Variants in NXNL2 observed in about 807,000 individuals in gnomAD.
NXNL2 encodes nucleoredoxin like 2.
A neutral mutation model predicts 11.1 loss-of-function variants in NXNL2; 7 were observed. That is an observed-to-expected ratio of 0.63 (90% CI 0.36 to 1.18). The LOEUF is 1.18. NXNL2 is among the 50% of genes most tolerant of loss of function. The pLI, the probability that NXNL2 is intolerant of heterozygous loss-of-function variation, is 0.02. For missense variants in NXNL2, 233 were observed against 217.7 expected (o/e 1.07, Z -0.44); for synonymous variants, 109 against 101.8 (o/e 1.07, Z -0.42).
chr9:88,555,113 C>A (rs1000753567), intron 1 of NXNL2, among the ~76,000 whole-genome samples: 2 of 152,148 alleles, frequency 1.3e-5, no homozygotes, highest in African/African-American at 4.8e-5. Context: ...GCCCAGGAGG[C>A]CACATGGGTT....
chr9:88,553,559 C>G (rs1829972042), intron 1 of NXNL2, among the ~76,000 whole-genome samples: 1 of 152,102 alleles, frequency 6.6e-6, no homozygotes, highest in Non-Finnish European at 1.5e-5. Context: ...TCTCCTGGTG[C>G]TACATCAGCA....
intron 1 of NXNL2, among the ~76,000 whole-genome samples, chr9:88,563,093 A>G (rs965193079): frequency 1.3e-5 from 2 of 152,172 alleles, no homozygotes; most frequent in Non-Finnish European, 1.5e-5. Flanking sequence ...TCTCAAAAAT[A>G]AAAATAAAAA....
intron 1 of NXNL2, among the ~76,000 whole-genome samples, chr9:88,542,189 C>T (rs775008659): frequency 2.2e-4 from 33 of 151,592 alleles, no homozygotes; most frequent in Admixed American, 4.6e-4. Context: ...GCCGAGATTG[C>T]GTCACTGCAC....
intron 1 of NXNL2, among the ~76,000 whole-genome samples, chr9:88,565,010 A>G (rs998641156): frequency 6.6e-6 from 1 of 151,698 alleles, no homozygotes; most frequent in Non-Finnish European, 1.5e-5. Flanking sequence ...TTGAGTAGCA[A>G]CCTCCCATTT....
chr9:88,571,871 C>T (rs1176940294), intron 2 of NXNL2, among the ~76,000 whole-genome samples: 1 of 152,116 alleles, frequency 6.6e-6, no homozygotes, highest in Non-Finnish European at 1.5e-5. Flanking sequence ...GACCTTCAGC[C>T]AGGAGAGCCA....
At chr9:88,542,282 A>T (rs1470823721) in intron 1 of NXNL2, among the ~76,000 whole-genome samples, 1 of 151,474 alleles carries the variant, frequency 6.6e-6, no homozygotes, top group East Asian at 1.9e-4. Flanking sequence ...ACAAAAAAAT[A>T]TATATTTTTT....
rs1262545681 is a variant in NXNL2, at chr9:88,535,415, G to A, written c.-20G>A. 6.3e-7 allele frequency: 1 copy of A among 1,575,164 alleles called. No homozygotes were observed. Among genetic ancestry groups the A allele is most frequent in the East Asian group, 2.3e-5 (1 of 44,302 alleles). On this transcript the variant is annotated 5_prime_UTR_variant, in exon 1 of 2. Coordinates refer to ENST00000375854, the MANE Select transcript of NXNL2 (RefSeq NM_001161625.2). ...CTCCTGCAGGTGTCCTCGGGTCTCAGGTGGCTGCGTGTCTGCGCCATGGTT... is the reference window on the plus strand; with the variant it reads ...CTCCTGCAGGTGTCCTCGGGTCTCAAGTGGCTGCGTGTCTGCGCCATGGTT...
chr9:88,580,751 A>G (rs1210930237), downstream of NXNL2, among the ~76,000 whole-genome samples: 5 of 152,190 alleles, frequency 3.3e-5, no homozygotes, highest in African/African-American at 7.2e-5. Flanking sequence ...GATTTCATCC[A>G]TGGCCCCACT....
intron 2 of NXNL2, among the ~76,000 whole-genome samples, chr9:88,571,734 C>T (rs555610628): frequency 2.0e-5 from 3 of 152,128 alleles, no homozygotes; most frequent in African/African-American, 4.8e-5. Context: ...AGCTTTGCTC[C>T]GTCAGGAGGA....
Position 88,544,485 on chromosome 9 carries a change from G to A in NXNL2, c.409G>A (p.Gly137Arg), listed in dbSNP as rs1202306243. ...AGGGCGGAAGCAGATCCGGGAACGGGGGTTGGCCTGCTTCCAGGACTGGGT... is the reference window on the plus strand; with the variant it reads ...AGGGCGGAAGCAGATCCGGGAACGGAGGTTGGCCTGCTTCCAGGACTGGGT... ...NKGRKQIRERGLACFQDWVEA... is the reference protein window; with the variant it reads ...NKGRKQIRERRLACFQDWVEA... The change falls in exon 2 of 2, where the codon GGG becomes AGG. Residue 137 changes from glycine (G) to arginine (R), a missense_variant. Coordinates refer to ENST00000375854, the MANE Select transcript of NXNL2 (RefSeq NM_001161625.2). 3.2e-6 allele frequency: 5 copies of A among 1,551,588 alleles called. No homozygotes were observed. The highest frequency in any genetic ancestry group is 4.4e-6 in the Non-Finnish European group (5 of 1,146,912).
chr9:88,578,580 C>G (rs763398193), downstream of NXNL2, among the ~76,000 whole-genome samples: 3 of 152,258 alleles, frequency 2.0e-5, no homozygotes, highest in Admixed American at 6.5e-5. Flanking sequence ...CTTTTCCCTC[C>G]GGTTGGATTT....
chr9:88,580,120 CAG>C (rs1215183433), downstream of NXNL2, among the ~76,000 whole-genome samples: 2 of 147,064 alleles, frequency 1.4e-5, no homozygotes, highest in Non-Finnish European at 3.0e-5. Context: ...GCCTGGGTGA[CAG>C]AGCAAGACTC....
intron 2 of NXNL2, among the ~76,000 whole-genome samples, chr9:88,571,940 GCCACACA>G (rs1182297189): frequency 6.6e-6 from 1 of 152,158 alleles, no homozygotes; most frequent in Non-Finnish European, 1.5e-5. Flanking sequence ...GGAGGGGGTG[GCCACACA>G]GGGCCCATGT....
At chr9:88,575,685 T>A (rs1280362435) in exon 3 of NXNL2, 2 of 152,206 alleles carry the variant, frequency 1.3e-5, no homozygotes, top group Non-Finnish European at 2.9e-5. Flanking sequence ...GACCTAATAT[T>A]TGATAGCACA....
At chr9:88,562,551 A>G (rs1830098789) in intron 1 of NXNL2, among the ~76,000 whole-genome samples, 1 of 152,112 alleles carries the variant, frequency 6.6e-6, no homozygotes, top group African/African-American at 2.4e-5. Flanking sequence ...TCAGGAGTTC[A>G]GGACCAGCCT....
At chr9:88,567,563 A>AT (rs2118521102) in intron 1 of NXNL2, among the ~76,000 whole-genome samples, 1 of 152,368 alleles carries the variant, frequency 6.6e-6, no homozygotes, top group East Asian at 1.9e-4. Context: ...CCTTGTATAT[A>AT]TGCCAACCAG....
In NXNL2 at chr9:88,535,266, A is replaced by G. The variant is rs1424665538; in HGVS notation, c.-169A>G. The G allele has an allele frequency of 3.5e-4, 212 of 613,944 alleles. No homozygotes were observed. Among genetic ancestry groups the G allele is most frequent in the Non-Finnish European group, 1.5e-4 (53 of 361,406 alleles). The allele number at this position is 613,944 out of a possible 1,614,324, so 38.0% of individuals were successfully genotyped here. On this transcript the variant is annotated 5_prime_UTR_variant, in exon 1 of 2. Transcript: ENST00000375854. ...CGGCGCGAACACAATTGCTCCAGCC[A>G]CAGGCGAGGCCTGGCCAAGGTGTGG...
intron 1 of NXNL2, among the ~76,000 whole-genome samples, chr9:88,539,305 G>GACA (rs1829697883): frequency 2.0e-5 from 3 of 152,204 alleles, no homozygotes; most frequent in Admixed American, 2.0e-4. Context: ...TTGGGAATCT[G>GACA]TCAGGAGTGC....
At chr9:88,550,143 T>A (rs796556210) in intron 1 of NXNL2, among the ~76,000 whole-genome samples, 41 of 152,304 alleles carry the variant, frequency 2.7e-4, no homozygotes, top group African/African-American at 9.9e-4. Context: ...AACTACCAGA[T>A]CTTGCAAGAG....
Sources: allele counts gnomAD v4.1 joint callset (sites outside exome capture counted in the v4.1 genomes callset), GRCh38; gene constraint gnomAD v4.1.1; transcripts MANE v1.5; gene names NCBI Gene and HGNC (gene_info 2026-07-23, HGNC 2026-07-21).